The following IRAG2 variants were observed in gnomAD, a reference collection of about 807,000 sequenced individuals.
IRAG2 encodes inositol 1,4,5-triphosphate receptor associated 2, also known as lymphoid restricted membrane protein.
In IRAG2, 45 loss-of-function variants were observed where a neutral mutation model predicts 69.9. The observed-to-expected ratio is 0.64, with a 90% CI of 0.51 to 0.83. The LOEUF (loss-of-function observed/expected upper bound fraction) is 0.83, where lower values mean the gene tolerates loss of function less well. Among genes scored for constraint, IRAG2 ranks in the 40% least tolerant of loss-of-function variants. The pLI is 0.00. For synonymous variants in IRAG2, 193 were observed against 202.4 expected (o/e 0.95, Z 0.40); for missense variants, 520 against 587.0 (o/e 0.89, Z 1.18).
chr12:25,070,469 T>C (rs1946269368), intron 6 of IRAG2, among the ~76,000 whole-genome samples: 1 of 152,240 alleles, frequency 6.6e-6, no homozygotes, highest in African/African-American at 2.4e-5. Flanking sequence ...ATATCAGTAC[T>C]TCATTCATTT....
chr12:25,071,774 T>A (rs1202200568), intron 6 of IRAG2, among the ~76,000 whole-genome samples: 1 of 151,624 alleles, frequency 6.6e-6, no homozygotes, highest in Non-Finnish European at 1.5e-5. Flanking sequence ...CATAATTACT[T>A]AGCATTACCT....
At chr12:25,000,544 G>A (rs1040025168), upstream of IRAG2, among the ~76,000 whole-genome samples, 14 of 152,218 alleles carry the variant, frequency 9.2e-5, no homozygotes, top group African/African-American at 1.9e-4. Context: ...TTGAACCTAG[G>A]AGTTTGAGGC....
At chr12:25,089,841 C>T in intron 13 of IRAG2, 51 bp downstream of exon 13, 1 of 1,575,980 alleles carries the variant, frequency 6.3e-7, no homozygotes. Flanking sequence ...TCCAGACTCA[C>T]CTGCTACAGT....
exon 15 of IRAG2, chr12:25,036,654 A>G (rs950899889): frequency 2.5e-6 from 1 of 398,940 alleles, no homozygotes; most frequent in Non-Finnish European, 4.4e-6. Context: ...TCCAGAAATT[A>G]CTGTGAAAGA....
chr12:25,000,876 A>G (rs937982786), upstream of IRAG2, among the ~76,000 whole-genome samples: 1 of 152,262 alleles, frequency 6.6e-6, no homozygotes, highest in Non-Finnish European at 1.5e-5. Context: ...CAGTTACTGT[A>G]CAAAGCAAGT....
At chr12:25,100,325 A>C (rs56024196) in intron 15 of IRAG2, among the ~76,000 whole-genome samples, 17,603 of 152,030 alleles carry the variant, frequency 0.12, 1,373 homozygotes, top group Admixed American at 0.16. Flanking sequence ...ACCGTGGAAA[A>C]CAGTTTGGTG....
chr12:25,047,823 G>C (rs1411819240), upstream of IRAG2, among the ~76,000 whole-genome samples: 2 of 152,114 alleles, frequency 1.3e-5, no homozygotes, highest in Non-Finnish European at 2.9e-5. Flanking sequence ...AGTATTCCAT[G>C]GTGTACATGT....
chr12:25,097,348 A>G (rs1426275494), intron 15 of IRAG2: 3 of 184,250 alleles, frequency 1.6e-5, no homozygotes, highest in Admixed American at 1.2e-4. Context: ...CTTTTTATTC[A>G]TCATACAACA....
At chr12:25,089,249 A>G (rs988661465) in intron 11 of IRAG2, among the ~76,000 whole-genome samples, 2 of 152,242 alleles carry the variant, frequency 1.3e-5, no homozygotes, top group Non-Finnish European at 2.9e-5. Context: ...TGCTACTGCT[A>G]ATAAAGCCTT....
chr12:25,106,364 T>A (rs1300453961), intron 20 of IRAG2, among the ~76,000 whole-genome samples: 1 of 140,336 alleles, frequency 7.1e-6, no homozygotes, highest in Non-Finnish European at 1.5e-5. Flanking sequence ...TTTATATATA[T>A]AAATATATAT....
intron 16 of IRAG2, 91 bp downstream of exon 16, chr12:25,101,416 A>G: frequency 1.2e-6 from 1 of 836,758 alleles, no homozygotes; most frequent in African/African-American, 1.8e-5. Flanking sequence ...GTATAATAAA[A>G]CTCTTAGGTT....
At chr12:25,015,452 G>A (rs1944520030) in intron 5 of IRAG2, 11 of 1,209,912 alleles carry the variant, frequency 9.1e-6, no homozygotes, top group Admixed American at 4.2e-5. Context: ...CTCTGCTTTC[G>A]CAAGTGTTTC....
chr12:25,067,006 T>G (rs1946027294), intron 5 of IRAG2, among the ~76,000 whole-genome samples: 1 of 152,182 alleles, frequency 6.6e-6, no homozygotes, highest in South Asian at 2.1e-4. Context: ...AGTGTAGTTT[T>G]CTTGCTTTTC....
intron 14 of IRAG2, chr12:25,092,734 C>A: frequency 6.4e-6 from 1 of 155,656 alleles, no homozygotes; most frequent in East Asian, 1.7e-4. Context: ...AAAAGTGTTC[C>A]TACTTTAAAT....
intron 5 of IRAG2, 106 bp from the exon 6 acceptor site, chr12:25,069,244 A>G: frequency 1.9e-6 from 1 of 514,812 alleles, no homozygotes; most frequent in Non-Finnish European, 3.5e-6. Flanking sequence ...AAATTTGATA[A>G]AATTAGGACT....
intron 21 of IRAG2, 30 bp from the exon 22 acceptor site, chr12:25,107,787 T>C: frequency 6.3e-7 from 1 of 1,595,744 alleles, no homozygotes; most frequent in Non-Finnish European, 8.6e-7. Context: ...AATTACCGAT[T>C]ACCAAATTCT....
At chr12:25,081,280 C>A (rs1369830180) in intron 9 of IRAG2, among the ~76,000 whole-genome samples, 1 of 152,042 alleles carries the variant, frequency 6.6e-6, no homozygotes, top group Non-Finnish European at 1.5e-5. Flanking sequence ...CTGACTAACA[C>A]GGTGGAACCC....
chr12:25,099,868 C>T (rs138921157), intron 15 of IRAG2, among the ~76,000 whole-genome samples: 125 of 151,762 alleles, frequency 8.2e-4, no homozygotes, highest in Middle Eastern at 6.8e-3. Flanking sequence ...GGTGTGGTGG[C>T]ACGTGCCTAT....
At position 25,076,267 on chromosome 12, in the gene IRAG2, A is replaced by G. The variant is rs562981109; in HGVS notation, c.25-2977A>G. 1.0e-4 allele frequency: 24 copies of G among 234,888 alleles called. No homozygotes were observed. The South Asian group carries it at 1.1e-3, about 11-fold the overall frequency. 14.6% of individuals were successfully genotyped at this position (234,888 alleles called of 1,614,324 possible). A position where few individuals can be genotyped will look rare whatever the true frequency, so the allele number is the denominator to read the frequency against. On this transcript the variant is annotated intron_variant, in intron 6 of 21. Transcript: ENST00000556887. ...CTTACCTTGCTACTGTTCCACAACA[A>G]GGTAGTATTAAATGGCTACTAAACA...
Sources: allele counts gnomAD v4.1 joint callset (sites outside exome capture counted in the v4.1 genomes callset), GRCh38; gene constraint gnomAD v4.1.1; transcripts MANE v1.5; gene names NCBI Gene and HGNC (gene_info 2026-07-23, HGNC 2026-07-21).